ROR2: variants seen among roughly 807,000 people sequenced by gnomAD.
The protein encoded by ROR2 is tyrosine-protein kinase transmembrane receptor ROR2.
Under a neutral mutation model 74.9 loss-of-function variants are expected in ROR2, and 33 were observed. The observed-to-expected ratio is 0.44, with a 90% CI of 0.33 to 0.59. The LOEUF (loss-of-function observed/expected upper bound fraction) is 0.59. ROR2 is among the 20% of genes least tolerant of loss of function. The probability of loss-of-function intolerance (pLI) is 0.02; values close to 1 mark genes in which losing one functional copy is unlikely to be tolerated. For synonymous variants in ROR2, 586 were observed against 558.7 expected (o/e 1.05, Z -0.69); for missense variants, 1,216 against 1,313.8 (o/e 0.93, Z 1.15).
chr9:91,852,624 AAC>A (rs59759515), intron 1 of ROR2, among the ~76,000 whole-genome samples: 75,192 of 123,890 alleles, frequency 0.61, 21,720 homozygotes, highest in Non-Finnish European at 0.72. Flanking sequence ...AAAACACACA[AAC>A]ACACACACAC....
chr9:91,736,974 C>T (rs1587669761), intron 5 of ROR2, among the ~76,000 whole-genome samples: 1 of 152,148 alleles, frequency 6.6e-6, no homozygotes, highest in South Asian at 2.1e-4. Flanking sequence ...TTGGACCAAA[C>T]GTGGCTCAGA....
intron 1 of ROR2, among the ~76,000 whole-genome samples, chr9:91,832,367 CAAAA>C (rs10677451): frequency 0.097 from 3,698 of 38,054 alleles, 38 homozygotes; most frequent in Non-Finnish European, 0.14. Context: ...GTCACAATGG[CAAAA>C]AAAAAAAAAA....
chr9:91,827,163 CCT>C (rs1231394954), intron 1 of ROR2, among the ~76,000 whole-genome samples: 1 of 152,028 alleles, frequency 6.6e-6, no homozygotes, highest in South Asian at 2.1e-4. Flanking sequence ...TATATTGCCC[CCT>C]AACTATATGC....
chr9:91,762,908 G>A (rs1418290520), intron 2 of ROR2, among the ~76,000 whole-genome samples: 1 of 152,070 alleles, frequency 6.6e-6, no homozygotes, highest in East Asian at 1.9e-4. Context: ...TAGATGTCTT[G>A]TCCTGTGCAT....
intron 5 of ROR2, among the ~76,000 whole-genome samples, chr9:91,737,190 C>G (rs1335939935): frequency 1.3e-5 from 2 of 152,204 alleles, no homozygotes; most frequent in African/African-American, 4.8e-5. Flanking sequence ...TTTAAACATA[C>G]AGGCCAGGAA....
intron 4 of ROR2, among the ~76,000 whole-genome samples, chr9:91,753,391 A>G (rs1210744127): frequency 6.6e-6 from 1 of 152,206 alleles, no homozygotes; most frequent in African/African-American, 2.4e-5. Flanking sequence ...AAAGCAGGTC[A>G]TTTATTCATT....
chr9:91,814,352 C>T (rs1312903950), intron 1 of ROR2, among the ~76,000 whole-genome samples: 1 of 152,208 alleles, frequency 6.6e-6, no homozygotes, highest in Non-Finnish European at 1.5e-5. Flanking sequence ...CCACTCCTGT[C>T]CGTTCGTCAG....
At chr9:91,768,817 G>T (rs969201222) in intron 2 of ROR2, among the ~76,000 whole-genome samples, 1 of 152,124 alleles carries the variant, frequency 6.6e-6, no homozygotes, top group Non-Finnish European at 1.5e-5. Context: ...TCCTATTTGT[G>T]GGGTAGAGTT....
intron 1 of ROR2, among the ~76,000 whole-genome samples, chr9:91,849,380 A>G (rs1563997918): frequency 6.6e-6 from 1 of 152,206 alleles, no homozygotes; most frequent in African/African-American, 2.4e-5. Flanking sequence ...CGAAAACGCA[A>G]TCTCTTCACT....
At chr9:91,731,205 T>C in intron 6 of ROR2, 50 bp from the exon 7 acceptor site, 1 of 1,612,144 alleles carries the variant, frequency 6.2e-7, no homozygotes, top group Non-Finnish European at 8.5e-7. Flanking sequence ...AACAAAACCA[T>C]TCTGCCTACA....
intron 1 of ROR2, among the ~76,000 whole-genome samples, chr9:91,838,701 C>T (rs539482054): frequency 2.1e-5 from 3 of 142,422 alleles, no homozygotes; most frequent in Admixed American, 8.0e-5. Flanking sequence ...CAGGAGACCC[C>T]GCTGCAGTCG....
intron 1 of ROR2, among the ~76,000 whole-genome samples, chr9:91,924,858 T>A (rs1220482208): frequency 6.6e-6 from 1 of 152,148 alleles, no homozygotes; most frequent in Admixed American, 6.5e-5. Flanking sequence ...TTTGTGTGTT[T>A]GTTTGAGACA....
chr9:91,792,305 ATTTT>A (rs1166828840), intron 1 of ROR2, among the ~76,000 whole-genome samples: 2 of 129,802 alleles, frequency 1.5e-5, no homozygotes, highest in Admixed American at 7.6e-5. Context: ...AGTTGGTTCT[ATTTT>A]TTTTTTTTTT....
chr9:91,876,312 C>T (rs1173547394), intron 1 of ROR2, among the ~76,000 whole-genome samples: 3 of 151,696 alleles, frequency 2.0e-5, no homozygotes, highest in East Asian at 1.9e-4. Flanking sequence ...GAGGTTGCAG[C>T]GAGCCAAGAT....
chr9:91,789,976 T>C (rs894007144), intron 1 of ROR2, among the ~76,000 whole-genome samples: 1 of 152,136 alleles, frequency 6.6e-6, no homozygotes, highest in African/African-American at 2.4e-5. Context: ...GTTTAAAAGA[T>C]GTATCATAAA....
At chr9:91,832,343 T>C (rs1828484999) in intron 1 of ROR2, among the ~76,000 whole-genome samples, 1 of 139,464 alleles carries the variant, frequency 7.2e-6, no homozygotes. Flanking sequence ...GAGGAGTCTT[T>C]GTCAACTTCT....
At chr9:91,727,891 C>T (rs1185839961) in intron 7 of ROR2, among the ~76,000 whole-genome samples, 1 of 152,182 alleles carries the variant, frequency 6.6e-6, no homozygotes, top group Non-Finnish European at 1.5e-5. Context: ...CCTTGCCCCA[C>T]CCCTGCTCCC....
intron 4 of ROR2, among the ~76,000 whole-genome samples, chr9:91,751,741 T>C (rs569372074): frequency 1.2e-4 from 19 of 152,284 alleles, no homozygotes; most frequent in African/African-American, 4.3e-4. Flanking sequence ...AATGTGCAGA[T>C]ACATCAAAGC....
At position 91,950,080 on chromosome 9, in the gene ROR2, C is replaced by A; in HGVS notation, c.-117G>T. On this transcript the variant is annotated 5_prime_UTR_variant, in exon 1 of 9. Transcript: ENST00000375708. Reference sequence around the variant, plus strand: ...CTCCTTCTCCCTGGCGCTTCGCAAACGGGTCCACTTCGAGGACCTCGTCGT... The same window carrying A: ...CTCCTTCTCCCTGGCGCTTCGCAAAAGGGTCCACTTCGAGGACCTCGTCGT... 1 of 490,020 alleles carries A rather than the reference C, an allele frequency of 2.0e-6. No individual in the cohort carries two copies. The highest frequency in any genetic ancestry group is 3.4e-6 in the Non-Finnish European group (1 of 291,204). 30.4% of individuals were successfully genotyped at this position (490,020 alleles called of 1,614,324 possible).
Sources: gnomAD v4.1 joint callset for allele counts (sites outside exome capture counted in the v4.1 genomes callset) on GRCh38, gnomAD v4.1.1 for gene constraint, MANE v1.5 for transcripts, NCBI Gene and HGNC (gene_info 2026-07-23, HGNC 2026-07-21) for gene names.